The following METAP1D variants were observed in gnomAD, a reference collection of about 807,000 sequenced individuals.
METAP1D encodes methionyl aminopeptidase type 1D, mitochondrial.
A neutral mutation model predicts 40.5 loss-of-function variants in METAP1D; 31 were observed. The observed-to-expected ratio is 0.77, with a 90% CI of 0.58 to 1.03. The LOEUF is 1.03. Among genes scored for constraint, METAP1D ranks in the 50% least tolerant of loss-of-function variants. METAP1D has a pLI of 0.00. For synonymous variants in METAP1D, 151 were observed against 146.4 expected, an observed-to-expected ratio of 1.03 and a Z score of -0.22; for missense variants, 411 against 420.7, an observed-to-expected ratio of 0.98 and a Z score of 0.20.
In METAP1D at chr2:172,080,437, G is replaced by C. The variant is rs1007530062; in HGVS notation, c.*31G>C. 6.2e-7 allele frequency: 1 copy of C among 1,608,590 alleles called. No homozygotes were observed. On this transcript the variant is annotated 3_prime_UTR_variant, in exon 10 of 10. Transcript: ENST00000315796. The stretch of plus-strand genomic sequence containing the variant: ...CGCCCGAAGGTCGCGGTGACCTGGT[G>C]CCTTTTTAAATAAATTGCTGAAATT...
At chr2:172,044,420 A>C (rs1689686967) in intron 1 of METAP1D, among the ~76,000 whole-genome samples, 1 of 125,566 alleles carries the variant, frequency 8.0e-6, no homozygotes. Flanking sequence ...AAAAAAAAAA[A>C]AAAAAACCCA....
chr2:172,036,096 T>G (rs1425406983), intron 1 of METAP1D, among the ~76,000 whole-genome samples: 2 of 151,860 alleles, frequency 1.3e-5, no homozygotes, highest in Non-Finnish European at 2.9e-5. Context: ...GGTGGGCGGA[T>G]CACTAGGTCA....
chr2:172,042,267 A>G (rs1417415821), intron 1 of METAP1D, among the ~76,000 whole-genome samples: 1 of 2,138 alleles, frequency 4.7e-4, no homozygotes, highest in Non-Finnish European at 3.2e-3. Context: ...ACATATACAT[A>G]TATACATATA....
intron 1 of METAP1D, among the ~76,000 whole-genome samples, chr2:172,024,081 G>C (rs537595120): frequency 1.3e-5 from 2 of 152,090 alleles, no homozygotes; most frequent in African/African-American, 4.8e-5. Context: ...GGATAGTCTC[G>C]ATCTCCTGAC....
At chr2:172,008,575 A>G (rs1024234836) in intron 1 of METAP1D, among the ~76,000 whole-genome samples, 2 of 152,166 alleles carry the variant, frequency 1.3e-5, no homozygotes, top group African/African-American at 4.8e-5. Flanking sequence ...TCCTATACAC[A>G]CATTTCTGTG....
At chr2:172,055,490 T>C (rs1320026939) in intron 1 of METAP1D, among the ~76,000 whole-genome samples, 15 of 152,216 alleles carry the variant, frequency 9.9e-5, no homozygotes, top group Non-Finnish European at 2.2e-4. Context: ...ACTACTTATT[T>C]GTATTGTGAT....
At position 172,079,230 on chromosome 2, in the gene METAP1D, T is replaced by C. The variant is rs1336285801; in HGVS notation, c.818T>C (p.Leu273Pro). The change falls in exon 8 of 10, where the codon CTA (leucine) becomes CCA (proline). Residue 273 changes from leucine to proline, a missense_variant. Transcript: ENST00000315796. ...EIWHHANDSD[L>P]PMEEGMAFTI... ...TGTTTTGCAGCAAACGACAGTGATC[T>C]ACCCATGGAGGAGGGCATGGCATTC... 1 of 1,613,986 alleles carries C rather than the reference T, an allele frequency of 6.2e-7. No individual in the cohort carries two copies. Among genetic ancestry groups the C allele is most frequent in the Non-Finnish European group, 8.5e-7 (1 of 1,180,026 alleles).
At chr2:172,077,714 T>C in intron 6 of METAP1D, 83 bp from the exon 7 acceptor site, 1 of 618,644 alleles carries the variant, frequency 1.6e-6, no homozygotes. Flanking sequence ...TTTCAGAGAA[T>C]ATTTTAAAGT....
intron 1 of METAP1D, among the ~76,000 whole-genome samples, chr2:172,058,437 A>G (rs942271784): frequency 6.6e-6 from 1 of 152,172 alleles, no homozygotes; most frequent in Non-Finnish European, 1.5e-5. Context: ...CTAGGACACT[A>G]CCCTGTCCCT....
chr2:172,030,366 A>G (rs1052558741), intron 1 of METAP1D, among the ~76,000 whole-genome samples: 5 of 152,180 alleles, frequency 3.3e-5, no homozygotes, highest in Non-Finnish European at 7.3e-5. Flanking sequence ...TACTGGGATT[A>G]CAGGCGTGAG....
At position 172,079,980 on chromosome 2, in the gene METAP1D, A is replaced by C. The variant is rs141692495; in HGVS notation, c.851-148A>C. ...GTATACTATGTAAGCAACATCAATT[A>C]TCAACCCTTGCAAGATGACAACATG... On this transcript the variant is annotated intron_variant, in intron 8 of 9. Transcript: ENST00000315796. 3.7e-4 allele frequency: 247 copies of C among 667,804 alleles called. 1 individual carries two copies. The highest frequency in any genetic ancestry group is 2.7e-3 in the Admixed American group (96 of 35,062). The allele number at this position is 667,804 out of a possible 1,614,324, so 41.4% of individuals were successfully genotyped here.
At chr2:172,010,870 T>G (rs1688702530) in intron 1 of METAP1D, among the ~76,000 whole-genome samples, 1 of 151,266 alleles carries the variant, frequency 6.6e-6, no homozygotes. Context: ...TTGTCCTGCC[T>G]CAGCCTCACG....
rs556591928 is a variant in METAP1D, at chr2:172,002,237, T to C, written c.40+2228T>C. Among the ~76,000 whole-genome samples, 23 of 151,992 alleles carry C rather than the reference T, an allele frequency of 1.5e-4. No individual in the cohort carries two copies. In the East Asian group the frequency reaches 3.7e-3, roughly 24 times the overall value. On this transcript the variant is annotated intron_variant, in intron 1 of 9. Coordinates refer to ENST00000315796, the MANE Select transcript of METAP1D (RefSeq NM_199227.3). ...AAAAAAAACAACCTGAAAACATACA[T>C]AGGTGTATGTATGTATATATATATA...
At chr2:172,063,214 G>A (rs929122340) in intron 2 of METAP1D, among the ~76,000 whole-genome samples, 3 of 152,210 alleles carry the variant, frequency 2.0e-5, no homozygotes, top group Admixed American at 1.3e-4. Flanking sequence ...TAAGAAAAGT[G>A]TATATGTAAT....
rs1689585677 is a variant in METAP1D at position 172,042,474 on chromosome 2, T to C, written c.41-19024T>C. ...GCGTACATATATACATATATACATA[T>C]GTGTGTGTACATGTGTACATATATA... On this transcript the variant is annotated intron_variant, in intron 1 of 9. Coordinates refer to ENST00000315796, the MANE Select transcript of METAP1D (RefSeq NM_199227.3). Among the ~76,000 whole-genome samples the C allele has an allele frequency of 3.9e-5, 2 of 50,888 alleles. 1 individual carries two copies. Among genetic ancestry groups the C allele is most frequent in the South Asian group, 1.2e-3 (2 of 1,728 alleles). 33.4% of individuals were successfully genotyped at this position (50,888 alleles called of 152,430 possible).
In METAP1D at chr2:172,080,147, A is replaced by G. The variant is rs1468826074; in HGVS notation, c.870A>G (p.Gly290=). ...TTACAGAGCCAATCATCACGGAGGG[A>G]TCCCCTGAATTTAAAGTCCTGGAGG... ...AFTIEPIITE[G]SPEFKVLEDA... The change falls in exon 9 of 10, where the codon GGA becomes GGG. Residue 290 remains glycine, a synonymous_variant. Coordinates refer to ENST00000315796, the MANE Select transcript of METAP1D (RefSeq NM_199227.3). 9.9e-6 allele frequency: 16 copies of G among 1,614,194 alleles called. No homozygotes were observed. Among genetic ancestry groups the G allele is most frequent in the Non-Finnish European group, 1.4e-5 (16 of 1,180,004 alleles).
rs139477917 is a variant in METAP1D, at chr2:172,030,406, T to A, written c.40+30397T>A. ...CACACCTGGCGTAAGCCTACATTTT[T>A]AAAAAAATGTATTGCAGAGGTGGAA... is the stretch of plus-strand genomic sequence containing the variant. On this transcript the variant is annotated intron_variant, in intron 1 of 9. Transcript: ENST00000315796. Among the ~76,000 whole-genome samples, 250 of 152,226 alleles carry A rather than the reference T, an allele frequency of 1.6e-3. 6 individuals are homozygous for A. The East Asian group carries it at 0.027, about 16-fold the overall frequency.
At chr2:172,025,683 A>G (rs1229992490) in intron 1 of METAP1D, among the ~76,000 whole-genome samples, 1 of 152,068 alleles carries the variant, frequency 6.6e-6, no homozygotes, top group Non-Finnish European at 1.5e-5. Context: ...GTCTCCATGT[A>G]AGAGATAGAA....
rs543448414 is a variant in METAP1D at position 172,028,715 on chromosome 2, A to G, written c.40+28706A>G. ...AAAAATAAGGTTTGCCACGAACTAT[A>G]TAACAAATTTAGACATGCAAAAATG... On this transcript the variant is annotated intron_variant, in intron 1 of 9. Coordinates refer to ENST00000315796, the MANE Select transcript of METAP1D (RefSeq NM_199227.3). 4.6e-5 allele frequency among the ~76,000 whole-genome samples: 7 copies of G among 152,304 alleles called. No homozygotes were observed. The East Asian group carries it at 1.3e-3, about 29-fold the overall frequency.
Sources: allele counts gnomAD v4.1 joint callset (sites outside exome capture counted in the v4.1 genomes callset), GRCh38; gene constraint gnomAD v4.1.1; transcripts MANE v1.5; gene names NCBI Gene and HGNC (gene_info 2026-07-23, HGNC 2026-07-21).